SOHLH1: variants seen among roughly 807,000 people sequenced by gnomAD.
SOHLH1 encodes the protein spermatogenesis- and oogenesis-specific basic helix-loop-helix-containing protein 1.
SOHLH1 carries 23 observed loss-of-function variants against 36.2 expected under a neutral mutation model. The observed-to-expected ratio is 0.64, with a 90% CI of 0.46 to 0.90. The LOEUF is 0.90. Ranked by LOEUF, SOHLH1 falls within the 40% of genes least tolerant of loss-of-function variation. The pLI, the probability that SOHLH1 is intolerant of heterozygous loss-of-function variation, is 0.00. For synonymous variants in SOHLH1, 289 were observed against 228.3 expected, an observed-to-expected ratio of 1.27 and a Z score of -2.40; for missense variants, 608 against 517.0, an observed-to-expected ratio of 1.18 and a Z score of -1.71.
upstream of SOHLH1, among the ~76,000 whole-genome samples, chr9:135,699,801 G>T (rs544940146): frequency 5.3e-5 from 8 of 152,072 alleles, no homozygotes; most frequent in African/African-American, 1.9e-4. Flanking sequence ...TCCCACTTAT[G>T]CGGTGGTCTC....
chr9:135,701,924 G>A (rs536030904), upstream of SOHLH1, among the ~76,000 whole-genome samples: 284 of 152,308 alleles, frequency 1.9e-3, no homozygotes, highest in Middle Eastern at 6.8e-3. Flanking sequence ...CCTCCCAGGG[G>A]TGTAGGGCCC....
At position 135,695,251 on chromosome 9, in the gene SOHLH1, A is replaced by G; in HGVS notation, c.674T>C (p.Leu225Pro). The change falls in exon 6 of 8, where the codon CTG becomes CCG. Residue 225 changes from leucine (L) to proline (P), a missense_variant. Transcript: ENST00000425225. ...ACTCCGGCCTGGGGGCCACGGCACC[A>G]GGCTGGAAGGTTCTGGGAGAGAAGT... ...GLPPFSEPSS[L>P]VPWPPGRSLP... 6.3e-7 allele frequency: 1 copy of G among 1,595,642 alleles called. No homozygotes were observed. The highest frequency in any genetic ancestry group is 2.3e-5 in the East Asian group (1 of 44,302).
intron 2 of SOHLH1, 93 bp from the exon 3 acceptor site, chr9:135,698,569 C>A: frequency 6.3e-7 from 1 of 1,574,858 alleles, no homozygotes; most frequent in East Asian, 2.3e-5. Flanking sequence ...AGACCCTGGG[C>A]GCTTGTCAGG....
intron 3 of SOHLH1, 85 bp downstream of exon 3, chr9:135,698,244 A>G: frequency 6.3e-7 from 1 of 1,582,522 alleles, no homozygotes; most frequent in Admixed American, 1.7e-5. Flanking sequence ...GACGGGGATG[A>G]CAGGGGACAC....
At chr9:135,694,789 T>A (rs1437016248) in intron 6 of SOHLH1, among the ~76,000 whole-genome samples, 2 of 137,752 alleles carry the variant, frequency 1.5e-5, no homozygotes, top group Non-Finnish European at 3.1e-5. Context: ...CACAAACTCA[T>A]TTTACTATCA....
chr9:135,702,096 A>C, upstream of SOHLH1: 2 of 573,048 alleles, frequency 3.5e-6, no homozygotes, highest in Non-Finnish European at 5.9e-6. Flanking sequence ...CGCGGCCGGC[A>C]GGGGGCGCGC....
chr9:135,696,571 C>T (rs747804298), intron 5 of SOHLH1, 41 bp downstream of exon 5: 1 of 1,607,836 alleles, frequency 6.2e-7, no homozygotes, highest in South Asian at 1.1e-5. Flanking sequence ...TGGCGCCGCT[C>T]CCCAGGCCAA....
At chr9:135,696,364 G>A (rs1834799043) in intron 5 of SOHLH1, among the ~76,000 whole-genome samples, 2 of 152,108 alleles carry the variant, frequency 1.3e-5, no homozygotes. Context: ...CTTTGCCCAG[G>A]ACTCTCCCTT....
At chr9:135,697,910 C>T (rs569207903) in intron 3 of SOHLH1, among the ~76,000 whole-genome samples, 1,856 of 152,136 alleles carry the variant, frequency 0.012, 20 homozygotes, top group African/African-American at 0.022. Flanking sequence ...CACACAGGTC[C>T]TCAGCCCCAG....
In SOHLH1 at chr9:135,695,321, C is replaced by T. The variant is rs980219473; in HGVS notation, c.662-58G>A. On this transcript the variant is annotated intron_variant, in intron 5 of 7. Coordinates refer to ENST00000425225, the MANE Select transcript of SOHLH1 (RefSeq NM_001101677.2). ...CCTGCCCAGCCCCACAGGCTGCCCC[C>T]GAGGACCTCGTGACTCACGGGCTCG... The T allele has an allele frequency of 1.0e-5, 15 of 1,506,714 alleles. No individual in the cohort carries two copies. The South Asian group carries it at 1.3e-4, about 13-fold the overall frequency. 93.3% of individuals were successfully genotyped at this position (1,506,714 alleles called of 1,614,324 possible). A position where few individuals can be genotyped will look rare whatever the true frequency, so the allele number is the denominator to read the frequency against.
chr9:135,697,497 G>C lies in SOHLH1; in HGVS notation c.467+9C>G. ...CAGCCCTGGAGAGCGGGCCCCAGGA[G>C]ACACTAACCGAGTCCCGCTGGACGC... is the stretch of plus-strand genomic sequence containing the variant. On this transcript the variant is annotated intron_variant, in intron 4 of 7. Transcript: ENST00000425225. 2 of 1,608,454 alleles carry C rather than the reference G, an allele frequency of 1.2e-6. No homozygotes were observed. Among genetic ancestry groups the C allele is most frequent in the Admixed American group, 1.7e-5 (1 of 59,948 alleles).
At chr9:135,699,202 G>A in intron 1 of SOHLH1, 76 bp from the exon 2 acceptor site, 2 of 1,545,906 alleles carry the variant, frequency 1.3e-6, no homozygotes, top group Non-Finnish European at 1.7e-6. Context: ...GCCAGAATGG[G>A]CGTCTTTGGG....
At chr9:135,697,177 G>C (rs1834836509) in intron 4 of SOHLH1, among the ~76,000 whole-genome samples, 1 of 152,226 alleles carries the variant, frequency 6.6e-6, no homozygotes, top group South Asian at 2.1e-4. Flanking sequence ...CATTCCTGAA[G>C]CTGCCCATGG....
intron 6 of SOHLH1, 111 bp from the exon 7 acceptor site, chr9:135,694,568 G>A (rs1175338265): frequency 9.0e-6 from 13 of 1,443,570 alleles, no homozygotes; most frequent in East Asian, 2.5e-5. Flanking sequence ...CAAAGATCTA[G>A]GCACCACTCC....
chr9:135,695,210 T>G lies in SOHLH1; in HGVS notation c.715A>C (p.Arg239=), dbSNP rs756523071. ...PPGRSLPKAV[R]PPLSWPPFSQ... ...AACGGAGGCCAGGACAGGGGTGGCC[T>G]CACAGCCTTAGGAAGACTCCGGCCT... The change falls in exon 6 of 8, where the codon AGG becomes CGG. Residue 239 remains arginine, a synonymous_variant. Coordinates refer to ENST00000425225, the MANE Select transcript of SOHLH1 (RefSeq NM_001101677.2). 3 of 1,605,458 alleles carry G rather than the reference T, an allele frequency of 1.9e-6. No individual in the cohort carries two copies. Among genetic ancestry groups the G allele is most frequent in the Non-Finnish European group, 2.5e-6 (3 of 1,177,668 alleles).
chr9:135,700,133 C>T (rs1418189117), upstream of SOHLH1, among the ~76,000 whole-genome samples: 1 of 152,158 alleles, frequency 6.6e-6, no homozygotes, highest in Non-Finnish European at 1.5e-5. Flanking sequence ...ACCCTCGGAA[C>T]CGTCTGTCCC....
Position 135,693,504 on chromosome 9 carries a change from C to T in SOHLH1, c.*93G>A. The T allele has an allele frequency of 6.8e-7, 1 of 1,467,168 alleles. No homozygotes were observed. Among genetic ancestry groups the T allele is most frequent in the Admixed American group, 2.4e-5 (1 of 42,538 alleles). 90.9% of individuals were successfully genotyped at this position (1,467,168 alleles called of 1,614,324 possible). On this transcript the variant is annotated 3_prime_UTR_variant, in exon 8 of 8. Coordinates refer to ENST00000425225, the MANE Select transcript of SOHLH1 (RefSeq NM_001101677.2). ...GCTCAAATTAGGGTGCAGCTGCAAC[C>T]CAAACCCAAAATAAAATGCCCAAGC...
intron 5 of SOHLH1, among the ~76,000 whole-genome samples, chr9:135,696,314 C>A (rs1834796281): frequency 6.6e-6 from 1 of 151,838 alleles, no homozygotes; most frequent in Non-Finnish European, 1.5e-5. Context: ...ATGGAAGTCC[C>A]AGGAGGAGAC....
At chr9:135,699,337 T>G in intron 1 of SOHLH1, 66 bp downstream of exon 1, 1 of 1,548,778 alleles carries the variant, frequency 6.5e-7, no homozygotes, top group East Asian at 2.3e-5. Context: ...CCCAGCAACT[T>G]GCGGAAGAAC....
Sources: allele counts gnomAD v4.1 joint callset (sites outside exome capture counted in the v4.1 genomes callset), GRCh38; gene constraint gnomAD v4.1.1; transcripts MANE v1.5; gene names NCBI Gene and HGNC (gene_info 2026-07-23, HGNC 2026-07-21).